The following KIAA0232 variants were observed in gnomAD, a reference collection of about 807,000 sequenced individuals.
KIAA0232 encodes the protein KIAA0232.
In KIAA0232, 27 loss-of-function variants were observed where a neutral mutation model predicts 122.0. That is an observed-to-expected ratio of 0.22 (90% CI 0.16 to 0.31). The LOEUF (loss-of-function observed/expected upper bound fraction) is 0.31. Among genes scored for constraint, KIAA0232 ranks in the 10% least tolerant of loss-of-function variants. The probability of loss-of-function intolerance (pLI) is 1.00; values close to 1 mark genes in which losing one functional copy is unlikely to be tolerated. For synonymous variants in KIAA0232, 613 were observed against 587.6 expected (o/e 1.04, Z -0.63); for missense variants, 1,551 against 1,634.2 (o/e 0.95, Z 0.88).
intron 4 of KIAA0232, among the ~76,000 whole-genome samples, chr4:6,852,682 A>G (rs1377884989): frequency 6.6e-6 from 1 of 152,204 alleles, no homozygotes; most frequent in Admixed American, 6.5e-5. Context: ...ACAACTATTT[A>G]CCCACAATTC....
At chr4:6,857,720 G>A (rs1393420306) in intron 5 of KIAA0232, among the ~76,000 whole-genome samples, 1 of 152,186 alleles carries the variant, frequency 6.6e-6, no homozygotes, top group Non-Finnish European at 1.5e-5. Flanking sequence ...TGAAAACACA[G>A]ACTTGGCAAG....
At chr4:6,783,979 C>T (rs879490026) in intron 1 of KIAA0232, among the ~76,000 whole-genome samples, 37 of 152,240 alleles carry the variant, frequency 2.4e-4, no homozygotes, top group Admixed American at 1.1e-3. Context: ...TTGTGGTGCG[C>T]AGGTGACAGG....
intron 2 of KIAA0232, among the ~76,000 whole-genome samples, chr4:6,821,847 A>G (rs1040127929): frequency 2.6e-5 from 4 of 152,066 alleles, no homozygotes; most frequent in African/African-American, 9.7e-5. Context: ...TTTTTGAAAG[A>G]CACTTTCAAT....
intron 2 of KIAA0232, among the ~76,000 whole-genome samples, chr4:6,807,722 A>C (rs369977835): frequency 1.1e-4 from 16 of 152,292 alleles, no homozygotes; most frequent in African/African-American, 3.6e-4. Context: ...GAGCCAGGCT[A>C]CCTACTAAAG....
intron 3 of KIAA0232, among the ~76,000 whole-genome samples, chr4:6,833,732 A>G (rs921839467): frequency 6.6e-6 from 1 of 152,234 alleles, no homozygotes; most frequent in Non-Finnish European, 1.5e-5. Flanking sequence ...CATAGTGACA[A>G]AAACCTTTCT....
At chr4:6,832,912 C>G (rs761666964) in intron 3 of KIAA0232, among the ~76,000 whole-genome samples, 20 of 152,152 alleles carry the variant, frequency 1.3e-4, no homozygotes, top group African/African-American at 3.9e-4. Context: ...AGCTCAGAGT[C>G]CATCCTTCTA....
At chr4:6,868,067 G>T (rs1291091635) in intron 7 of KIAA0232, among the ~76,000 whole-genome samples, 1 of 152,150 alleles carries the variant, frequency 6.6e-6, no homozygotes, top group Admixed American at 6.5e-5. Flanking sequence ...TGGCAAAGGG[G>T]CAAGATTCCC....
chr4:6,871,328 C>G (rs1033864183), intron 7 of KIAA0232, among the ~76,000 whole-genome samples: 1 of 152,020 alleles, frequency 6.6e-6, no homozygotes, highest in African/African-American at 2.4e-5. Context: ...CAGCTACTTG[C>G]AAGGCTGAGG....
At chr4:6,846,657 A>G (rs993418160) in intron 4 of KIAA0232, among the ~76,000 whole-genome samples, 3 of 151,942 alleles carry the variant, frequency 2.0e-5, no homozygotes, top group Non-Finnish European at 4.4e-5. Context: ...TGGGGAGCCA[A>G]TGAAAAGAAC....
chr4:6,873,910 C>CA (rs1375165682), intron 8 of KIAA0232, among the ~76,000 whole-genome samples: 2 of 152,128 alleles, frequency 1.3e-5, no homozygotes, highest in Admixed American at 1.3e-4. Flanking sequence ...AACAGGTAGT[C>CA]ACTTACCTAC....
intron 3 of KIAA0232, among the ~76,000 whole-genome samples, chr4:6,837,188 C>A (rs1442445385): frequency 6.6e-6 from 1 of 151,514 alleles, no homozygotes; most frequent in Admixed American, 6.6e-5. Context: ...CTCCTCACTT[C>A]CCAGGCGGGG....
chr4:6,794,054 G>A (rs1177399171), intron 1 of KIAA0232, among the ~76,000 whole-genome samples: 1 of 152,242 alleles, frequency 6.6e-6, no homozygotes, highest in Non-Finnish European at 1.5e-5. Flanking sequence ...TAGACATCCA[G>A]GAGGTTTATT....
intron 5 of KIAA0232, 108 bp downstream of exon 5, chr4:6,857,338 T>A: frequency 1.1e-6 from 1 of 942,002 alleles, no homozygotes; most frequent in Non-Finnish European, 1.6e-6. Context: ...CAGAACAAAG[T>A]CTTTGTGTCC....
At chr4:6,798,922 G>A (rs1717253914) in intron 1 of KIAA0232, among the ~76,000 whole-genome samples, 1 of 152,206 alleles carries the variant, frequency 6.6e-6, no homozygotes. Flanking sequence ...AGGGGAGGAA[G>A]TCAGAGGTGC....
intron 8 of KIAA0232, among the ~76,000 whole-genome samples, chr4:6,875,654 A>G (rs992442466): frequency 6.6e-6 from 1 of 152,164 alleles, no homozygotes; most frequent in Non-Finnish European, 1.5e-5. Flanking sequence ...CATCTCGTCA[A>G]ACTACCTTGT....
At chr4:6,819,527 A>G (rs1183941872) in intron 2 of KIAA0232, among the ~76,000 whole-genome samples, 1 of 152,232 alleles carries the variant, frequency 6.6e-6, no homozygotes, top group Non-Finnish European at 1.5e-5. Context: ...TGATTATCAG[A>G]GAAATGCAAA....
chr4:6,793,194 T>C (rs1232133796), intron 1 of KIAA0232, among the ~76,000 whole-genome samples: 1 of 152,144 alleles, frequency 6.6e-6, no homozygotes, highest in Non-Finnish European at 1.5e-5. Flanking sequence ...AATTAAGTAA[T>C]TACCATTAGT....
intron 2 of KIAA0232, among the ~76,000 whole-genome samples, chr4:6,821,599 CACACATATAT>C (rs1718426182): frequency 6.6e-6 from 1 of 151,754 alleles, no homozygotes; most frequent in East Asian, 1.9e-4. Context: ...TATATATATA[CACACATATAT>C]ACACATATCT....
intron 3 of KIAA0232, among the ~76,000 whole-genome samples, chr4:6,826,352 T>G (rs1718684188): frequency 6.6e-6 from 1 of 152,198 alleles, no homozygotes; most frequent in African/African-American, 2.4e-5. Flanking sequence ...GTTATCATCT[T>G]TCTGGTAAAT....
Sources: allele counts gnomAD v4.1 joint callset (sites outside exome capture counted in the v4.1 genomes callset), GRCh38; gene constraint gnomAD v4.1.1; transcripts MANE v1.5; gene names NCBI Gene and HGNC (gene_info 2026-07-23, HGNC 2026-07-21).